The following CTDP1 variants were observed in gnomAD, a reference collection of about 807,000 sequenced individuals.
CTDP1 encodes the protein CTD phosphatase 1, also known as RNA polymerase II subunit A C-terminal domain phosphatase.
A neutral mutation model predicts 91.8 loss-of-function variants in CTDP1; 47 were observed. The observed-to-expected ratio is 0.51, with a 90% CI of 0.41 to 0.65. The LOEUF (loss-of-function observed/expected upper bound fraction) is 0.65. Ranked by LOEUF, CTDP1 falls within the 30% of genes least tolerant of loss-of-function variation. The probability of loss-of-function intolerance (pLI) is 0.00; values close to 1 mark genes in which losing one functional copy is unlikely to be tolerated. For missense variants in CTDP1, 1,272 were observed against 1,373.7 expected, an observed-to-expected ratio of 0.93 and a Z score of 1.17; for synonymous variants, 656 against 598.5, an observed-to-expected ratio of 1.10 and a Z score of -1.40.
intron 11 of CTDP1, 159 bp from the exon 12 acceptor site, chr18:79,736,196 G>T: frequency 1.1e-6 from 1 of 885,796 alleles, no homozygotes; most frequent in Non-Finnish European, 1.8e-6. Flanking sequence ...GTTAAGGATT[G>T]GTTGAGTTTC....
intron 1 of CTDP1, among the ~76,000 whole-genome samples, chr18:79,691,275 C>T (rs1304714403): frequency 6.6e-6 from 1 of 152,236 alleles, no homozygotes; most frequent in African/African-American, 2.4e-5. Context: ...CCTCAGGCTG[C>T]GCTGGTGGCC....
intron 1 of CTDP1, among the ~76,000 whole-genome samples, chr18:79,693,245 T>G (rs2085660460): frequency 1.3e-5 from 2 of 151,934 alleles, no homozygotes; most frequent in Non-Finnish European, 2.9e-5. Context: ...GGTTTGTGCG[T>G]TTTTTTTGTT....
At chr18:79,680,793 G>T (rs1713566888) in intron 1 of CTDP1, 2 of 152,416 alleles carry the variant, frequency 1.3e-5, no homozygotes, top group South Asian at 4.1e-4. Flanking sequence ...ACCACAGTGG[G>T]CATTGTCGCA....
At chr18:79,701,940 C>A (rs1264617327) in intron 4 of CTDP1, among the ~76,000 whole-genome samples, 3 of 152,212 alleles carry the variant, frequency 2.0e-5, no homozygotes, top group East Asian at 1.9e-4. Flanking sequence ...TGAGGAGTTG[C>A]TTCTTACGGA....
At chr18:79,700,673 C>G (rs1484494263) in intron 4 of CTDP1, among the ~76,000 whole-genome samples, 1 of 152,194 alleles carries the variant, frequency 6.6e-6, no homozygotes, top group Non-Finnish European at 1.5e-5. Flanking sequence ...CGGCAAGTTC[C>G]CCTGGAGATA....
chr18:79,710,347 CT>C lies in CTDP1; in HGVS notation c.779del (p.Leu260Ter). On this transcript the variant is annotated frameshift_variant and splice_region_variant, in exon 6 of 13. Coordinates refer to ENST00000613122, the MANE Select transcript of CTDP1 (RefSeq NM_004715.5). LOFTEE classifies it high-confidence loss of function. ...SRLYAHTIAG[F>X]LDPEKKLFSH... ...CTTTGTCCTGTTTTCTTTTCCAAGG[CT>C]TTTTAGACCCCGAGAAGAAGCTTTT... 6.2e-7 allele frequency: 1 copy of C among 1,613,050 alleles called. No individual in the cohort carries two copies.
chr18:79,689,374 A>G (rs2085573146), intron 1 of CTDP1, among the ~76,000 whole-genome samples: 2 of 152,226 alleles, frequency 1.3e-5, no homozygotes, highest in South Asian at 4.1e-4. Context: ...GCTGACCCAC[A>G]TTTTGGGTAT....
intron 1 of CTDP1, among the ~76,000 whole-genome samples, chr18:79,694,666 G>A (rs1229448883): frequency 1.3e-5 from 2 of 152,154 alleles, no homozygotes; most frequent in African/African-American, 4.8e-5. Flanking sequence ...CGGGCGCTGA[G>A]TGCCAGGCGG....
At position 79,713,068 on chromosome 18, in the gene CTDP1, T is replaced by C. The variant is rs769742515; in HGVS notation, c.960T>C (p.Tyr320=). The C allele has an allele frequency of 2.1e-5, 34 of 1,614,080 alleles. No individual in the cohort carries two copies. Among genetic ancestry groups the C allele is most frequent in the Non-Finnish European group, 2.8e-5 (33 of 1,180,038 alleles). Residue 320 remains tyrosine (Y), a synonymous_variant, in exon 7 of 13, where the codon TAT becomes TAC. Transcript: ENST00000613122. This position sits in a 1 kb window ranked among gnomAD's most constrained non-coding sequence, Gnocchi z 4.7. ...FAPNLITVKK[Y]VYFQGTGDMN... ...CCAATCTGATAACTGTGAAGAAATA[T>C]GTATACTTCCAGGGCACGGGTGATA...
At chr18:79,728,829 G>T in intron 10 of CTDP1, 78 bp from the exon 11 acceptor site, 1 of 1,461,278 alleles carries the variant, frequency 6.8e-7, no homozygotes, top group Non-Finnish European at 9.3e-7. Flanking sequence ...TAGTCCGAGA[G>T]CCAGGAGTCT....
At chr18:79,696,683 C>T (rs969533825) in intron 3 of CTDP1, among the ~76,000 whole-genome samples, 7 of 152,000 alleles carry the variant, frequency 4.6e-5, no homozygotes, top group Non-Finnish European at 8.8e-5. Flanking sequence ...ATGGGGGGTA[C>T]GCAGGGTGGA....
At position 79,711,931 on chromosome 18, in the gene CTDP1, T is replaced by G. The variant is rs150595155; in HGVS notation, c.864-1041T>G. On this transcript the variant is annotated intron_variant, in intron 6 of 12. Coordinates refer to ENST00000613122, the MANE Select transcript of CTDP1 (RefSeq NM_004715.5). ...TAACACCATGTCAGGTGTGGCTTGT[T>G]TTCCCGAGGAGCCTGGTGGCCACAG... is the stretch of plus-strand genomic sequence containing the variant. Among the ~76,000 whole-genome samples, 236 of 62,676 alleles carry G rather than the reference T, an allele frequency of 3.8e-3. 1 individual carries two copies. Among genetic ancestry groups the G allele is most frequent in the African/African-American group, 0.012 (217 of 18,698 alleles). The allele number at this position is 62,676 out of a possible 152,430, so 41.1% of individuals were successfully genotyped here. A position where few individuals can be genotyped will look rare whatever the true frequency, so the allele number is the denominator to read the frequency against.
Position 79,714,646 on chromosome 18 carries a change from C to G in CTDP1, c.1186C>G (p.Pro396Ala), listed in dbSNP as rs2086159209. ...GSEAATPRDS[P>A]RPGKPDERDI... is the part of the protein sequence containing the mutation. ...CGAGGCCGCCACCCCGCGGGACTCA[C>G]CCCGCCCCGGGAAGCCAGACGAGAG... Residue 396 changes from proline (P) to alanine (A), a missense_variant, in exon 8 of 13, where the codon CCC becomes GCC. Transcript: ENST00000613122. 6.2e-7 allele frequency: 1 copy of G among 1,612,042 alleles called. No homozygotes were observed. Among genetic ancestry groups the G allele is most frequent in the East Asian group, 2.2e-5 (1 of 44,866 alleles).
chr18:79,717,515 C>CT lies in CTDP1; in HGVS notation c.2069-20_2069-19insT. Reference sequence around the variant, plus strand: ...TCCAGTGCTGGCCGGAACAGCCTGACGCAGCCGGGTCTCCTGCAGGCACAG... The same window carrying CT: ...TCCAGTGCTGGCCGGAACAGCCTGACTGCAGCCGGGTCTCCTGCAGGCACAG... On this transcript the variant is annotated intron_variant, in intron 8 of 12. Coordinates refer to ENST00000613122, the MANE Select transcript of CTDP1 (RefSeq NM_004715.5). 1.2e-6 allele frequency: 2 copies of CT among 1,611,392 alleles called. No individual in the cohort carries two copies. The highest frequency in any genetic ancestry group is 4.5e-5 in the East Asian group (2 of 44,884).
chr18:79,745,261 C>CCGCG (rs2122858416), intron 12 of CTDP1, among the ~76,000 whole-genome samples: 3 of 135,368 alleles, frequency 2.2e-5, no homozygotes, highest in Admixed American at 1.5e-4. Flanking sequence ...CGTTCTGTCC[C>CCGCG]TGCGTCCCTC....
At chr18:79,706,028 A>C (rs550176499) in intron 5 of CTDP1, among the ~76,000 whole-genome samples, 1 of 152,306 alleles carries the variant, frequency 6.6e-6, no homozygotes, top group South Asian at 2.1e-4. Flanking sequence ...ACAGCCCCCA[A>C]GTCCATGTGT....
chr18:79,706,606 C>T (rs951496602), intron 5 of CTDP1, among the ~76,000 whole-genome samples: 12 of 152,026 alleles, frequency 7.9e-5, no homozygotes, highest in Non-Finnish European at 1.2e-4. Flanking sequence ...AATATATGTA[C>T]AAGTTTACAT....
intron 11 of CTDP1, among the ~76,000 whole-genome samples, chr18:79,731,186 A>G (rs2086558664): frequency 1.3e-5 from 2 of 152,208 alleles, no homozygotes; most frequent in South Asian, 4.1e-4. Context: ...TTTGGGGCAC[A>G]GACGATGGGG....
intron 1 of CTDP1, among the ~76,000 whole-genome samples, chr18:79,688,050 C>T (rs2085542756): frequency 6.6e-6 from 1 of 152,202 alleles, no homozygotes; most frequent in African/African-American, 2.4e-5. Context: ...TTACATTCCT[C>T]AGACGTTGTG....
Sources: gnomAD v4.1 joint callset for allele counts (sites outside exome capture counted in the v4.1 genomes callset) on GRCh38, gnomAD v4.1.1 for gene constraint, Gnocchi (gnomAD v3.1) non-coding constraint, MANE v1.5 for transcripts, NCBI Gene and HGNC (gene_info 2026-07-23, HGNC 2026-07-21) for gene names.